Variants in ST18 observed in about 807,000 individuals in gnomAD.
ST18 encodes the protein suppression of tumorigenicity 18 protein.
Under a neutral mutation model 110.0 loss-of-function variants are expected in ST18, and 50 were observed. The observed-to-expected ratio is 0.45, with a 90% CI of 0.36 to 0.58. ST18 has a LOEUF of 0.58. ST18 is among the 20% of genes least tolerant of loss of function. ST18 has a pLI of 0.00. For synonymous variants in ST18, 461 were observed against 452.4 expected (o/e 1.02, Z -0.24); for missense variants, 1,306 against 1,280.1 (o/e 1.02, Z -0.31).
rs1465074520 is a variant in ST18, at chr8:52,276,849, C to T, written c.-464-46772G>A. Among the ~76,000 whole-genome samples the T allele has an allele frequency of 4.6e-5, 7 of 151,778 alleles. No homozygotes were observed. In the South Asian group the frequency reaches 8.3e-4, roughly 18 times the overall value. On this transcript the variant is annotated intron_variant, in intron 2 of 25. Coordinates refer to ENST00000689386, the MANE Select transcript of ST18 (RefSeq NM_001352837.2). Reference sequence around the variant, plus strand: ...TGGTGCGATCTCGGCTCACTGCAACCTCTGCCTCCCGGGTTCAAGCGATTC... The same window carrying T: ...TGGTGCGATCTCGGCTCACTGCAACTTCTGCCTCCCGGGTTCAAGCGATTC...
chr8:52,211,067 G>A (rs1405242850), intron 8 of ST18, among the ~76,000 whole-genome samples: 1 of 152,168 alleles, frequency 6.6e-6, no homozygotes, highest in Non-Finnish European at 1.5e-5. Flanking sequence ...GACTTCCTAG[G>A]TTGTCAATAG....
At chr8:52,118,027 C>T (rs983815074) in intron 24 of ST18, among the ~76,000 whole-genome samples, 2 of 152,154 alleles carry the variant, frequency 1.3e-5, no homozygotes, top group East Asian at 1.9e-4. Context: ...GGATTCTTAC[C>T]TTTCCATCAC....
At chr8:52,165,335 A>C in intron 11 of ST18, 110 bp from the exon 12 acceptor site, 1 of 998,032 alleles carries the variant, frequency 1.0e-6, no homozygotes, top group South Asian at 1.4e-5. Context: ...TCCATCATCC[A>C]CCATGCTCTC....
At chr8:52,301,593 C>T (rs951512915) in intron 2 of ST18, among the ~76,000 whole-genome samples, 5 of 152,178 alleles carry the variant, frequency 3.3e-5, no homozygotes, top group African/African-American at 4.8e-5. Context: ...CTTAAAACAA[C>T]TGCCCACATT....
chr8:52,182,058 A>G (rs1218506641), intron 8 of ST18, among the ~76,000 whole-genome samples: 1 of 152,206 alleles, frequency 6.6e-6, no homozygotes, highest in Non-Finnish European at 1.5e-5. Context: ...TGCAAAATAT[A>G]AAACTAAGAT....
At chr8:52,113,385 G>A in intron 25 of ST18, 47 bp from the exon 26 acceptor site, 1 of 1,600,566 alleles carries the variant, frequency 6.2e-7, no homozygotes. Flanking sequence ...GGTTCAGGCT[G>A]AGGGAAAAGA....
At chr8:52,115,892 C>T (rs1563467885) in intron 25 of ST18, among the ~76,000 whole-genome samples, 1 of 152,062 alleles carries the variant, frequency 6.6e-6, no homozygotes, top group Non-Finnish European at 1.5e-5. Flanking sequence ...TTTTTGGTTA[C>T]AGTTCCTGAT....
Position 52,378,301 on chromosome 8 carries a change from C to G in ST18, c.-465+31027G>C, listed in dbSNP as rs368049292. Among the ~76,000 whole-genome samples, 401 of 152,206 alleles carry G rather than the reference C, an allele frequency of 2.6e-3. 1 individual carries two copies. Among genetic ancestry groups the G allele is most frequent in the Middle Eastern group, 0.01 (3 of 294 alleles). Reference sequence around the variant, plus strand: ...ATACATGTTTAAAGTAATGGATACTCCAGTTACCCTGATTGACCATTACCT... The same window carrying G: ...ATACATGTTTAAAGTAATGGATACTGCAGTTACCCTGATTGACCATTACCT... On this transcript the variant is annotated intron_variant, in intron 2 of 25. Coordinates refer to ENST00000689386, the MANE Select transcript of ST18 (RefSeq NM_001352837.2).
rs1051320201 is a variant in ST18, at chr8:52,113,127, A to G, written c.*71T>C. The G allele has an allele frequency of 1.9e-6, 3 of 1,588,708 alleles. No individual in the cohort carries two copies. The highest frequency in any genetic ancestry group is 1.7e-5 in the Admixed American group (1 of 58,564). ...GGCAACCTCCACGCCTTAGCAGTACATGAACCTCTAACAGATCCATCTGGA... is the reference window on the plus strand; with the variant it reads ...GGCAACCTCCACGCCTTAGCAGTACGTGAACCTCTAACAGATCCATCTGGA... On this transcript the variant is annotated 3_prime_UTR_variant, in exon 26 of 26. Transcript: ENST00000689386.
intron 2 of ST18, among the ~76,000 whole-genome samples, chr8:52,372,900 T>C (rs1425198578): frequency 6.6e-6 from 1 of 152,238 alleles, no homozygotes; most frequent in Non-Finnish European, 1.5e-5. Flanking sequence ...GTAGTATGAA[T>C]GTTTATTGTA....
intron 2 of ST18, among the ~76,000 whole-genome samples, chr8:52,248,049 A>G (rs1198173687): frequency 6.6e-6 from 1 of 151,384 alleles, no homozygotes; most frequent in African/African-American, 2.4e-5. Context: ...GGGCACATTT[A>G]ACAGAGGAAA....
intron 2 of ST18, among the ~76,000 whole-genome samples, chr8:52,234,182 A>C (rs1369709567): frequency 6.6e-6 from 1 of 152,178 alleles, no homozygotes; most frequent in African/African-American, 2.4e-5. Context: ...GCCTTTAAAG[A>C]TCTAATTTAT....
At chr8:52,116,775 C>A (rs565535765) in intron 24 of ST18, among the ~76,000 whole-genome samples, 4 of 152,146 alleles carry the variant, frequency 2.6e-5, no homozygotes, top group East Asian at 1.9e-4. Flanking sequence ...GTAGTGCAGA[C>A]CCCCCATGGC....
At chr8:52,373,845 G>C (rs962622326) in intron 2 of ST18, among the ~76,000 whole-genome samples, 1 of 152,054 alleles carries the variant, frequency 6.6e-6, no homozygotes, top group Non-Finnish European at 1.5e-5. Context: ...AGCAAGGCTG[G>C]AGAAGCACCC....
chr8:52,388,143 A>G (rs976891554), intron 2 of ST18, among the ~76,000 whole-genome samples: 1 of 152,212 alleles, frequency 6.6e-6, no homozygotes, highest in Admixed American at 6.5e-5. Flanking sequence ...ACTAGGAGCA[A>G]TTTGAGCATA....
intron 2 of ST18, among the ~76,000 whole-genome samples, chr8:52,230,355 C>A (rs1221863764): frequency 6.6e-6 from 1 of 151,580 alleles, no homozygotes; most frequent in Non-Finnish European, 1.5e-5. Context: ...ATTTGAGAAC[C>A]TTTTCTAGGG....
intron 2 of ST18, among the ~76,000 whole-genome samples, chr8:52,353,679 T>C (rs1484899583): frequency 6.6e-6 from 1 of 152,174 alleles, no homozygotes; most frequent in Non-Finnish European, 1.5e-5. Flanking sequence ...AAGATAATTA[T>C]AGGTAGGGGA....
intron 8 of ST18, among the ~76,000 whole-genome samples, chr8:52,202,589 T>G (rs966894958): frequency 9.2e-5 from 14 of 152,084 alleles, no homozygotes; most frequent in African/African-American, 3.4e-4. Context: ...AGTAAAGAAG[T>G]GCTTGGGGAA....
chr8:52,197,617 G>T (rs1243186221), intron 8 of ST18, among the ~76,000 whole-genome samples: 4 of 152,094 alleles, frequency 2.6e-5, no homozygotes, highest in Non-Finnish European at 4.4e-5. Flanking sequence ...CTGTTCTCTA[G>T]CATGAACACT....
Sources: gnomAD v4.1 joint callset for allele counts (sites outside exome capture counted in the v4.1 genomes callset) on GRCh38, gnomAD v4.1.1 for gene constraint, MANE v1.5 for transcripts, NCBI Gene and HGNC (gene_info 2026-07-23, HGNC 2026-07-21) for gene names.